The following PDE7B variants were observed in gnomAD, a reference collection of about 807,000 sequenced individuals.
PDE7B encodes 3',5'-cyclic-AMP phosphodiesterase 7B.
A neutral mutation model predicts 56.2 loss-of-function variants in PDE7B; 29 were observed. The observed-to-expected ratio is 0.52, with a 90% CI of 0.38 to 0.70. PDE7B has a LOEUF of 0.70. Ranked by LOEUF, PDE7B falls within the 30% of genes least tolerant of loss-of-function variation. The pLI, the probability that PDE7B is intolerant of heterozygous loss-of-function variation, is 0.00. For synonymous variants in PDE7B, 197 were observed against 196.9 expected, an observed-to-expected ratio of 1.00 and a Z score of 0.00; for missense variants, 490 against 565.0, an observed-to-expected ratio of 0.87 and a Z score of 1.35.
At chr6:136,138,346 A>G (rs142501524) in intron 3 of PDE7B, among the ~76,000 whole-genome samples, 3 of 152,050 alleles carry the variant, frequency 2.0e-5, no homozygotes, top group Admixed American at 1.3e-4. Flanking sequence ...TACTTCAAAA[A>G]CCAGGACCTT....
At chr6:136,081,493 T>C (rs1380900990) in intron 2 of PDE7B, among the ~76,000 whole-genome samples, 2 of 152,206 alleles carry the variant, frequency 1.3e-5, no homozygotes, top group African/African-American at 4.8e-5. Flanking sequence ...ATATCTACTC[T>C]GGCCTCTGAC....
intron 2 of PDE7B, chr6:136,037,587 T>G: frequency 2.0e-6 from 2 of 985,324 alleles, no homozygotes; most frequent in Non-Finnish European, 2.4e-6. Context: ...AGCTGCAGAT[T>G]GGCTCTGCAG....
At chr6:136,013,238 G>T (rs997784319) in intron 2 of PDE7B, among the ~76,000 whole-genome samples, 3 of 152,196 alleles carry the variant, frequency 2.0e-5, no homozygotes, top group Non-Finnish European at 4.4e-5. Flanking sequence ...TACTAAATAA[G>T]TTATGCAATA....
intron 10 of PDE7B, among the ~76,000 whole-genome samples, chr6:136,180,050 CAT>C (rs1464019925): frequency 6.6e-6 from 1 of 152,136 alleles, no homozygotes; most frequent in Non-Finnish European, 1.5e-5. Context: ...TGCAAAAAAA[CAT>C]AGTGAATGGA....
intron 2 of PDE7B, chr6:136,037,675 A>T: frequency 4.1e-6 from 4 of 985,374 alleles, no homozygotes; most frequent in Non-Finnish European, 4.8e-6. Context: ...GTGACTCCTC[A>T]CCTGACACCT....
At chr6:136,033,445 C>T (rs536202621) in intron 2 of PDE7B, among the ~76,000 whole-genome samples, 81 of 152,210 alleles carry the variant, frequency 5.3e-4, no homozygotes, top group African/African-American at 1.7e-3. Flanking sequence ...CACAAGAGGC[C>T]GGGCAGGTCC....
chr6:135,994,024 T>C (rs183088059), intron 2 of PDE7B, among the ~76,000 whole-genome samples: 1 of 152,168 alleles, frequency 6.6e-6, no homozygotes, highest in Non-Finnish European at 1.5e-5. Flanking sequence ...TTCTCAGTTC[T>C]GTTTTTAAAC....
At chr6:135,970,248 G>T (rs1775070522) in intron 2 of PDE7B, among the ~76,000 whole-genome samples, 1 of 152,068 alleles carries the variant, frequency 6.6e-6, no homozygotes, top group Non-Finnish European at 1.5e-5. Flanking sequence ...GAAAAGAAAA[G>T]CAGGATAAGG....
chr6:136,038,005 A>G (rs1776352973), intron 2 of PDE7B: 1 of 1,289,908 alleles, frequency 7.8e-7, no homozygotes, highest in East Asian at 4.9e-5. Flanking sequence ...GAAGGAGTAC[A>G]GTAACAGTTT....
At chr6:136,100,076 A>T (rs1309709580) in intron 2 of PDE7B, among the ~76,000 whole-genome samples, 2 of 152,152 alleles carry the variant, frequency 1.3e-5, no homozygotes, top group African/African-American at 4.8e-5. Context: ...CAAAGATCAG[A>T]TGGTTGTAGA....
intron 2 of PDE7B, among the ~76,000 whole-genome samples, chr6:136,016,338 A>ATTT (rs1449558677): frequency 6.6e-6 from 1 of 152,152 alleles, no homozygotes; most frequent in African/African-American, 2.4e-5. Flanking sequence ...GCATTTGAAT[A>ATTT]TTGTGTGTGG....
chr6:135,981,856 T>C (rs1775303025), intron 2 of PDE7B, among the ~76,000 whole-genome samples: 1 of 152,054 alleles, frequency 6.6e-6, no homozygotes, highest in African/African-American at 2.4e-5. Flanking sequence ...TTATTCTCAT[T>C]ATCAAATATC....
chr6:136,137,764 A>G (rs1031776059), intron 3 of PDE7B, among the ~76,000 whole-genome samples: 1 of 152,108 alleles, frequency 6.6e-6, no homozygotes, highest in Non-Finnish European at 1.5e-5. Context: ...TTTTATTAAC[A>G]TATTTTTGCA....
chr6:135,938,244 T>A lies in PDE7B; in HGVS notation c.22-9220T>A, dbSNP rs572798097. Among the ~76,000 whole-genome samples, 5 of 152,348 alleles carry A rather than the reference T, an allele frequency of 3.3e-5. No homozygotes were observed. The Middle Eastern group carries it at 0.014, about 415-fold the overall frequency. ...ATGGACTTCACCTTTTAAAAATGAC[T>A]GTATATAAGTGAAATGTGTTTGGCT... On this transcript the variant is annotated intron_variant, in intron 1 of 12. Coordinates refer to ENST00000308191, the MANE Select transcript of PDE7B (RefSeq NM_018945.4).
At chr6:135,952,094 T>A (rs1363193232) in intron 2 of PDE7B, among the ~76,000 whole-genome samples, 1 of 152,172 alleles carries the variant, frequency 6.6e-6, no homozygotes, top group Non-Finnish European at 1.5e-5. Context: ...AAAACATCTG[T>A]CCTTCCTAGC....
intron 2 of PDE7B, among the ~76,000 whole-genome samples, chr6:136,104,114 G>T (rs1777607545): frequency 6.6e-6 from 1 of 152,134 alleles, no homozygotes; most frequent in Admixed American, 6.5e-5. Flanking sequence ...ATTCAGCTCA[G>T]CTCTGAGCCT....
chr6:136,167,724 T>C (rs1056161892), intron 8 of PDE7B, among the ~76,000 whole-genome samples: 1 of 152,222 alleles, frequency 6.6e-6, no homozygotes, highest in Non-Finnish European at 1.5e-5. Flanking sequence ...GCCTAGAACA[T>C]AGTAAGTGCT....
In PDE7B at chr6:136,149,126, T is replaced by G; in HGVS notation, c.358T>G (p.Phe120Val). 6.2e-7 allele frequency: 1 copy of G among 1,612,660 alleles called. No individual in the cohort carries two copies. The highest frequency in any genetic ancestry group is 2.2e-5 in the East Asian group (1 of 44,852). The change falls in exon 5 of 13, where the codon TTC becomes GTC. Residue 120 changes from phenylalanine to valine, a missense_variant. Physicochemically the swap from Phe to Val is conservative, Grantham distance 50 (BLOSUM62 -1). Coordinates refer to ENST00000308191, the MANE Select transcript of PDE7B (RefSeq NM_018945.4). ...AGTGGGAATGTGGGATTTTGACATT[T>G]TCTTGTTTGATCGCTTGACAAATGG... ...SKVGMWDFDI[F>V]LFDRLTNGNS...
In PDE7B at chr6:135,851,981, A is replaced by C; in HGVS notation, c.-18A>C. 6.2e-7 allele frequency: 1 copy of C among 1,603,186 alleles called. No homozygotes were observed. Among genetic ancestry groups the C allele is most frequent in the Non-Finnish European group, 8.5e-7 (1 of 1,170,036 alleles). On this transcript the variant is annotated 5_prime_UTR_variant, in exon 1 of 13. Coordinates refer to ENST00000308191, the MANE Select transcript of PDE7B (RefSeq NM_018945.4). ...ATTTCACGGCATTCAAAGGTCACAG[A>C]ACTGCCACTATGGTTAAATGTCTTG... is the stretch of plus-strand genomic sequence containing the variant.
Sources: allele counts gnomAD v4.1 joint callset (sites outside exome capture counted in the v4.1 genomes callset), GRCh38; gene constraint gnomAD v4.1.1; transcripts MANE v1.5; gene names NCBI Gene and HGNC (gene_info 2026-07-23, HGNC 2026-07-21).